The following PFKFB3 variants were observed in gnomAD, a reference collection of about 807,000 sequenced individuals.
PFKFB3 encodes the protein 6-phosphofructo-2-kinase/fructose-2,6-bisphosphatase 3.
In PFKFB3, 33 loss-of-function variants were observed where a neutral mutation model predicts 68.0. The ratio of observed to expected loss-of-function variants is 0.49; its 90% CI spans 0.37 to 0.65. PFKFB3 has a LOEUF of 0.65. PFKFB3 is among the 30% of genes least tolerant of loss of function. PFKFB3 has a pLI of 0.00. For missense variants in PFKFB3, 586 were observed against 712.2 expected, an observed-to-expected ratio of 0.82 and a Z score of 2.02; for synonymous variants, 315 against 288.2, an observed-to-expected ratio of 1.09 and a Z score of -0.94.
In PFKFB3 at chr10:6,228,609, C is replaced by T. The variant is rs1235930897; in HGVS notation, c.1515+2244C>T. ...CCAGGTGCCATTAGCCTTAAAGCCCCCTCCTGCCCCAGGAGTGTCCTTTGT... is the reference window on the plus strand; with the variant it reads ...CCAGGTGCCATTAGCCTTAAAGCCCTCTCCTGCCCCAGGAGTGTCCTTTGT... On this transcript the variant is annotated intron_variant, in intron 14 of 14. Coordinates refer to ENST00000379775, the MANE Select transcript of PFKFB3 (RefSeq NM_004566.4). This position sits in a 1 kb window ranked among gnomAD's most constrained non-coding sequence, Gnocchi z 4.5. Among the ~76,000 whole-genome samples the T allele has an allele frequency of 2.0e-5, 3 of 152,156 alleles. No individual in the cohort carries two copies. The highest frequency in any genetic ancestry group is 4.1e-4 in the South Asian group (2 of 4,824).
At chr10:6,223,320 C>T (rs1347007051) in intron 11 of PFKFB3, among the ~76,000 whole-genome samples, 2 of 152,212 alleles carry the variant, frequency 1.3e-5, no homozygotes, top group South Asian at 2.1e-4. Flanking sequence ...AAGGAACAAA[C>T]AGCCCGGAAA....
the PFKFB3 span, among the ~76,000 whole-genome samples, chr10:6,292,636 T>TAA: frequency 7.2e-6 from 1 of 139,740 alleles, no homozygotes; most frequent in Non-Finnish European, 1.6e-5. Context: ...TACACAGAAT[T>TAA]AAAAAAAAAA....
the PFKFB3 span, among the ~76,000 whole-genome samples, chr10:6,306,786 C>A: frequency 2.0e-5 from 3 of 152,292 alleles, no homozygotes; most frequent in East Asian, 5.8e-4. Flanking sequence ...ACACTCATGT[C>A]TCTTTCATGA....
chr10:6,298,720 C>A, the PFKFB3 span, among the ~76,000 whole-genome samples: 12,171 of 152,200 alleles, frequency 0.08, 670 homozygotes, highest in Non-Finnish European at 0.12. Context: ...TCTTGGGCAG[C>A]TGTTCAGGAG....
intron 14 of PFKFB3, among the ~76,000 whole-genome samples, chr10:6,244,823 T>C (rs1015787711): frequency 2.0e-5 from 3 of 152,152 alleles, no homozygotes; most frequent in Non-Finnish European, 4.4e-5. Context: ...TCATTCGTAA[T>C]TGAGAGGGAG....
intron 13 of PFKFB3, chr10:6,225,216 G>A (rs1005965578): frequency 2.2e-6 from 1 of 456,286 alleles, no homozygotes. Context: ...CTTAGACCGA[G>A]CGTGACTTTC....
At chr10:6,276,796 T>A in the PFKFB3 span, among the ~76,000 whole-genome samples, 1 of 151,874 alleles carries the variant, frequency 6.6e-6, no homozygotes, top group Admixed American at 6.6e-5. Flanking sequence ...GATATTGAGA[T>A]TGGGTCACAG....
At chr10:6,305,005 ATTTTTTTTTTT>A in the PFKFB3 span, among the ~76,000 whole-genome samples, 1 of 14,526 alleles carries the variant, frequency 6.9e-5, no homozygotes, top group Non-Finnish European at 1.4e-4. Flanking sequence ...AATATTAGGA[ATTTTTTTTTTT>A]TTTTTTTTTT....
chr10:6,279,620 C>T, the PFKFB3 span, among the ~76,000 whole-genome samples: 7 of 152,110 alleles, frequency 4.6e-5, no homozygotes, highest in Admixed American at 2.0e-4. Flanking sequence ...TCCGTCTCTC[C>T]GGTGACCTCC....
chr10:6,250,536 A>G (rs11257567), intron 14 of PFKFB3, among the ~76,000 whole-genome samples: 90,962 of 150,096 alleles, frequency 0.61, 33,738 homozygotes, highest in Non-Finnish European at 0.82. Flanking sequence ...ACGCCACTGC[A>G]CTCCAGCCTG....
rs1431356790 is a variant in PFKFB3 at position 6,234,882 on chromosome 10, G to A, written c.*1940G>A. 6.6e-6 allele frequency: 1 copy of A among 152,340 alleles called. No homozygotes were observed. The highest frequency in any genetic ancestry group is 1.5e-5 in the Non-Finnish European group (1 of 68,040). 9.4% of individuals were successfully genotyped at this position (152,340 alleles called of 1,614,324 possible). On this transcript the variant is annotated 3_prime_UTR_variant, in exon 15 of 15. Transcript: ENST00000379775. ...AAATACAGAAGCCTTGGTCTAACAC[G>A]GGACTTTTAGTTTGCGAAGGGCCTA... is the stretch of plus-strand genomic sequence containing the variant.
At chr10:6,207,628 C>G (rs7082527) in intron 1 of PFKFB3, among the ~76,000 whole-genome samples, 146,448 of 152,284 alleles carry the variant, frequency 0.96, 70,667 homozygotes, top group East Asian at 1. Context: ...TGTCTAGGAC[C>G]CTGCTTTTTA....
At chr10:6,157,522 A>G (rs11257022) in intron 1 of PFKFB3, among the ~76,000 whole-genome samples, 62,339 of 151,894 alleles carry the variant, frequency 0.41, 13,833 homozygotes, top group Non-Finnish European at 0.51. Context: ...CACGGCGCCC[A>G]GCCAATAGTT....
chr10:6,279,178 A>G, the PFKFB3 span, among the ~76,000 whole-genome samples: 1 of 152,230 alleles, frequency 6.6e-6, no homozygotes, highest in Non-Finnish European at 1.5e-5. Context: ...CAATGAGGAC[A>G]TATCATTTAT....
chr10:6,183,848 C>T (rs1421326654), intron 1 of PFKFB3, among the ~76,000 whole-genome samples: 5 of 151,170 alleles, frequency 3.3e-5, no homozygotes, highest in Non-Finnish European at 7.4e-5. Context: ...CCACCACGCC[C>T]GGCTAATTTT....
In PFKFB3 at chr10:6,232,990, G is replaced by A; in HGVS notation, c.*48G>A. The A allele has an allele frequency of 1.3e-6, 2 of 1,490,206 alleles. No homozygotes were observed. The highest frequency in any genetic ancestry group is 1.1e-5 in the South Asian group (1 of 88,508). The allele number at this position is 1,490,206 out of a possible 1,614,324, so 92.3% of individuals were successfully genotyped here. ...CATTTCCATTTCTGCAGCTTAGCTTGTGTCCTGCCCTCCGCCCGAGGCAAA... is the reference window on the plus strand; with the variant it reads ...CATTTCCATTTCTGCAGCTTAGCTTATGTCCTGCCCTCCGCCCGAGGCAAA... On this transcript the variant is annotated 3_prime_UTR_variant, in exon 15 of 15. Coordinates refer to ENST00000379775, the MANE Select transcript of PFKFB3 (RefSeq NM_004566.4).
chr10:6,177,702 G>T (rs1290471438), intron 1 of PFKFB3, among the ~76,000 whole-genome samples: 1 of 151,632 alleles, frequency 6.6e-6, no homozygotes, highest in African/African-American at 2.4e-5. Context: ...ATTTTGTTTT[G>T]TATTTAGTAG....
At position 6,233,003 on chromosome 10, in the gene PFKFB3, C is replaced by A. The variant is rs553362925; in HGVS notation, c.*61C>A. The A allele has an allele frequency of 1.5e-6, 2 of 1,355,016 alleles. No homozygotes were observed. Among genetic ancestry groups the A allele is most frequent in the Non-Finnish European group, 2.1e-6 (2 of 944,442 alleles). 83.9% of individuals were successfully genotyped at this position (1,355,016 alleles called of 1,614,324 possible). On this transcript the variant is annotated 3_prime_UTR_variant, in exon 15 of 15. Coordinates refer to ENST00000379775, the MANE Select transcript of PFKFB3 (RefSeq NM_004566.4). ...GCAGCTTAGCTTGTGTCCTGCCCTC[C>A]GCCCGAGGCAAAACGTATCCTGAGG...
At chr10:6,144,949 T>C in exon 1 of PFKFB3, 2 of 1,256,554 alleles carry the variant, frequency 1.6e-6, no homozygotes, top group Non-Finnish European at 2.0e-6. Context: ...TTGGACGTCG[T>C]CCTGTCTGGG....
Sources: allele counts gnomAD v4.1 joint callset (sites outside exome capture counted in the v4.1 genomes callset), GRCh38; gene constraint gnomAD v4.1.1; non-coding constraint Gnocchi (gnomAD v3.1); transcripts MANE v1.5; gene names NCBI Gene and HGNC (gene_info 2026-07-23, HGNC 2026-07-21).